SBNO2: variants seen among roughly 807,000 people sequenced by gnomAD.
SBNO2 encodes protein strawberry notch homolog 2.
A neutral mutation model predicts 146.3 loss-of-function variants in SBNO2; 89 were observed. The ratio of observed to expected loss-of-function variants is 0.61; its 90% CI spans 0.51 to 0.73. The LOEUF (loss-of-function observed/expected upper bound fraction) is 0.73, where lower values mean the gene tolerates loss of function less well. Ranked by LOEUF, SBNO2 falls within the 30% of genes least tolerant of loss-of-function variation. The pLI, the probability that SBNO2 is intolerant of heterozygous loss-of-function variation, is 0.00. For synonymous variants in SBNO2, 1,147 were observed against 892.6 expected (o/e 1.29, Z -5.08); for missense variants, 2,092 against 2,003.7 (o/e 1.04, Z -0.84).
chr19:1,119,435 G>A, intron 13 of SBNO2, 81 bp downstream of exon 13: 5 of 1,146,536 alleles, frequency 4.4e-6, no homozygotes, highest in Non-Finnish European at 6.3e-6. Context: ...ACACGTGGCA[G>A]TGCCAGGCCT....
chr19:1,111,678 G>A, intron 23 of SBNO2, 64 bp from the exon 24 acceptor site: 6 of 1,291,432 alleles, frequency 4.6e-6, no homozygotes, highest in South Asian at 3.8e-5. Flanking sequence ...CTGGACCCCT[G>A]CCTCCCCAGA....
In SBNO2 at chr19:1,116,915, G is replaced by A. The variant is rs1214240374; in HGVS notation, c.1716C>T (p.Ile572=). 3.2e-6 allele frequency: 5 copies of A among 1,559,686 alleles called. No individual in the cohort carries two copies. Among genetic ancestry groups the A allele is most frequent in the East Asian group, 4.7e-5 (2 of 42,540 alleles). ...EELARDKCVV[I]GLQSTGEART... Reference sequence around the variant, plus strand: ...GCGCCTCGCCCGTGGACTGCAGCCCGATGACCACGCACTGTGGGACGGCAG... The same window carrying A: ...GCGCCTCGCCCGTGGACTGCAGCCCAATGACCACGCACTGTGGGACGGCAG... Residue 572 remains isoleucine, a synonymous_variant, in exon 16 of 32, where the codon ATC becomes ATT. Coordinates refer to ENST00000361757, the MANE Select transcript of SBNO2 (RefSeq NM_014963.3).
rs1364076121 is a variant in SBNO2, at chr19:1,126,922, T to C, written c.441+682A>G. On this transcript the variant is annotated intron_variant, in intron 5 of 31. Coordinates refer to ENST00000361757, the MANE Select transcript of SBNO2 (RefSeq NM_014963.3). This position sits in a 1 kb window ranked among gnomAD's most constrained non-coding sequence, Gnocchi z 4.4. ...GGCTAGAGGCTAGGCCCGAAGAACC[T>C]GGGGGCCCTGCTGCCCTACAACCCC... 6.6e-6 allele frequency among the ~76,000 whole-genome samples: 1 copy of C among 152,132 alleles called. No individual in the cohort carries two copies. Among genetic ancestry groups the C allele is most frequent in the Non-Finnish European group, 1.5e-5 (1 of 68,006 alleles).
chr19:1,160,057 G>A (rs974912005), intron 1 of SBNO2, among the ~76,000 whole-genome samples: 2 of 152,202 alleles, frequency 1.3e-5, no homozygotes, highest in South Asian at 2.1e-4. Context: ...CCACATTCCC[G>A]CACCACCCTC....
At chr19:1,127,042 T>C (rs2079973560) in intron 5 of SBNO2, among the ~76,000 whole-genome samples, 1 of 152,062 alleles carries the variant, frequency 6.6e-6, no homozygotes, top group Non-Finnish European at 1.5e-5. Flanking sequence ...CTCCCCACCC[T>C]GGGACAGGAT....
At chr19:1,117,160 C>G (rs1418217012) in intron 15 of SBNO2, among the ~76,000 whole-genome samples, 163 bp downstream of exon 15, 2 of 152,222 alleles carry the variant, frequency 1.3e-5, no homozygotes, top group African/African-American at 4.8e-5. Flanking sequence ...TTCTGACACC[C>G]TGGCTGGCTC....
At chr19:1,153,613 C>CT (rs2080262330) in intron 2 of SBNO2, among the ~76,000 whole-genome samples, 1 of 152,046 alleles carries the variant, frequency 6.6e-6, no homozygotes, top group Admixed American at 6.6e-5. Context: ...TCTCCACTCA[C>CT]TGCAGCCTCT....
Position 1,157,408 on chromosome 19 carries a change from G to GGCCCTGAAGACGCTCTCCCCACGCA in SBNO2, c.-126-3007_-126-3006insTGCGTGGGGAGAGCGTCTTCAGGGC. On this transcript the variant is annotated intron_variant, in intron 1 of 31. Coordinates refer to ENST00000361757, the MANE Select transcript of SBNO2 (RefSeq NM_014963.3). The surrounding 1 kb of genome is among the most constrained non-coding windows in gnomAD (Gnocchi z 6.8). ...AGCCCCGGAGACGCTCTCCCCACGC[G>GGCCCTGAAGACGCTCTCCCCACGCA]GCCCCGGAGACCCTCTCCCCACGCG... 6.8e-6 allele frequency among the ~76,000 whole-genome samples: 1 copy of GGCCCTGAAGACGCTCTCCCCACGCA among 147,166 alleles called. No homozygotes were observed. Among genetic ancestry groups the GGCCCTGAAGACGCTCTCCCCACGCA allele is most frequent in the East Asian group, 2.0e-4 (1 of 4,998 alleles).
chr19:1,171,167 AAC>A (rs1349967106), intron 1 of SBNO2, among the ~76,000 whole-genome samples: 1 of 151,936 alleles, frequency 6.6e-6, no homozygotes, highest in Non-Finnish European at 1.5e-5. Context: ...ACGCGTATGA[AAC>A]ACACGAGCAA....
At position 1,112,201 on chromosome 19, in the gene SBNO2, G is replaced by A. The variant is rs376835989; in HGVS notation, c.2616C>T (p.Arg872=). 3.5e-5 allele frequency: 55 copies of A among 1,588,546 alleles called. No homozygotes were observed. The African/African-American group carries it at 7.2e-4, about 21-fold the overall frequency. Residue 872 remains arginine, a synonymous_variant, in exon 22 of 32, where the codon CGC becomes CGT. Transcript: ENST00000361757. This position sits in a 1 kb window ranked among gnomAD's most constrained non-coding sequence, Gnocchi z 5.9. The part of the protein sequence containing the change: ...ERRFASIVAK[R]LESLGALTHG... ...CCCACCTGCTCACCAGACTCTCCAG[G>A]CGCTTGGCCACGATGGAGGCGAACC...
chr19:1,158,622 A>C lies in SBNO2; in HGVS notation c.-126-4220T>G, dbSNP rs573608606. ...AGGCGGACATGGAGGTCTGAGGAGG[A>C]GGCGGCGAGGCCCGGGCGAGCGGGC... On this transcript the variant is annotated intron_variant, in intron 1 of 31. Coordinates refer to ENST00000361757, the MANE Select transcript of SBNO2 (RefSeq NM_014963.3). This position sits in a 1 kb window ranked among gnomAD's most constrained non-coding sequence, Gnocchi z 9.9. 7.6e-4 allele frequency among the ~76,000 whole-genome samples: 116 copies of C among 152,256 alleles called. No individual in the cohort carries two copies. Among genetic ancestry groups the C allele is most frequent in the African/African-American group, 2.1e-3 (86 of 41,546 alleles).
intron 4 of SBNO2, among the ~76,000 whole-genome samples, chr19:1,145,613 T>TGAGGAA (rs781425782): frequency 1.1e-4 from 17 of 151,524 alleles, no homozygotes; most frequent in Non-Finnish European, 2.1e-4. Flanking sequence ...GCAGTGGCGG[T>TGAGGAA]GAGGAAGGAG....
intron 4 of SBNO2, among the ~76,000 whole-genome samples, chr19:1,137,113 G>C (rs1019004719): frequency 6.7e-6 from 1 of 148,644 alleles, no homozygotes; most frequent in Non-Finnish European, 1.5e-5. Context: ...GGATGGGCGA[G>C]GGGCAGTGAG....
intron 4 of SBNO2, chr19:1,132,030 G>T: frequency 1.5e-6 from 2 of 1,341,048 alleles, no homozygotes; most frequent in South Asian, 1.4e-5. Flanking sequence ...CCTGAATGGG[G>T]TCCCACCTCC....
rs1010829653 is a variant in SBNO2 at position 1,150,855 on chromosome 19, C to T, written c.94-1413G>A. Among the ~76,000 whole-genome samples the T allele has an allele frequency of 4.6e-5, 7 of 152,214 alleles. No individual in the cohort carries two copies. The highest frequency in any genetic ancestry group is 8.8e-5 in the Non-Finnish European group (6 of 68,030). Reference sequence around the variant, plus strand: ...TGCTGGGTGGGGGATTCCAGGACCCCCGACAGCCTCGAGATAGGCAAAGCC... The same window carrying T: ...TGCTGGGTGGGGGATTCCAGGACCCTCGACAGCCTCGAGATAGGCAAAGCC... On this transcript the variant is annotated intron_variant, in intron 2 of 31. Coordinates refer to ENST00000361757, the MANE Select transcript of SBNO2 (RefSeq NM_014963.3). This position sits in a 1 kb window ranked among gnomAD's most constrained non-coding sequence, Gnocchi z 6.2.
chr19:1,133,731 CAGCCAATCACAGCCACCGCTCAACCCAGT>C (rs2080058134), intron 4 of SBNO2, among the ~76,000 whole-genome samples: 5 of 151,786 alleles, frequency 3.3e-5, no homozygotes, highest in Admixed American at 2.0e-4. Context: ...CTCAACCTAG[CAGCCAATCACAGCCACCGCTCAACCCAGT>C]AGCCAATCAC....
intron 16 of SBNO2, among the ~76,000 whole-genome samples, chr19:1,116,604 C>G (rs1052020601): frequency 4.6e-5 from 7 of 152,162 alleles, no homozygotes; most frequent in Non-Finnish European, 7.4e-5. Context: ...AGACCATGTC[C>G]CAAACCTTCC....
chr19:1,113,140 A>G (rs2079787316), intron 19 of SBNO2, among the ~76,000 whole-genome samples, 191 bp from the exon 20 acceptor site: 1 of 152,114 alleles, frequency 6.6e-6, no homozygotes, highest in African/African-American at 2.4e-5. Context: ...AAGGCCTGGT[A>G]TTATCAGCCA....
At chr19:1,142,310 G>C (rs1359471679) in intron 4 of SBNO2, among the ~76,000 whole-genome samples, 1 of 132,058 alleles carries the variant, frequency 7.6e-6, no homozygotes, top group Non-Finnish European at 1.7e-5. Flanking sequence ...TCCCTCCCCA[G>C]GCCGTGAAGG....
Sources: allele counts gnomAD v4.1 joint callset (sites outside exome capture counted in the v4.1 genomes callset), GRCh38; gene constraint gnomAD v4.1.1; non-coding constraint Gnocchi (gnomAD v3.1); transcripts MANE v1.5; gene names NCBI Gene and HGNC (gene_info 2026-07-23, HGNC 2026-07-21).